DSCAML1: variants seen among roughly 807,000 people sequenced by gnomAD.
The protein encoded by DSCAML1 is DS cell adhesion molecule like 1.
Under a neutral mutation model 200.5 loss-of-function variants are expected in DSCAML1, and 38 were observed. The observed-to-expected ratio is 0.19, with a 90% confidence interval of 0.15 to 0.25. DSCAML1 has a LOEUF of 0.25. DSCAML1 is among the 10% of genes least tolerant of loss of function. The probability of loss-of-function intolerance (pLI) is 1.00; values close to 1 mark genes in which losing one functional copy is unlikely to be tolerated. For missense variants in DSCAML1, 2,223 were observed against 2,858.8 expected, an observed-to-expected ratio of 0.78 and a Z score of 5.07; for synonymous variants, 1,215 against 1,165.0, an observed-to-expected ratio of 1.04 and a Z score of -0.87.
intron 1 of DSCAML1, among the ~76,000 whole-genome samples, chr11:117,781,687 C>T (rs2055266331): frequency 6.6e-6 from 1 of 152,224 alleles, no homozygotes; most frequent in Non-Finnish European, 1.5e-5. Context: ...CTGTGCAATT[C>T]CCTTCCTCAC....
At chr11:117,545,247 A>C (rs2050350785) in intron 3 of DSCAML1, among the ~76,000 whole-genome samples, 1 of 143,500 alleles carries the variant, frequency 7.0e-6, no homozygotes, top group African/African-American at 2.6e-5. Context: ...ACACACACAC[A>C]CACACACACA....
chr11:117,674,808 G>A (rs776840239), intron 3 of DSCAML1, among the ~76,000 whole-genome samples: 1 of 152,016 alleles, frequency 6.6e-6, no homozygotes, highest in East Asian at 1.9e-4. Context: ...CTACCAGCTG[G>A]GTGACTTTGG....
intron 3 of DSCAML1, among the ~76,000 whole-genome samples, chr11:117,582,530 ATAAAT>A (rs1180003801): frequency 6.6e-6 from 1 of 152,254 alleles, no homozygotes; most frequent in African/African-American, 2.4e-5. Flanking sequence ...ATAAATATAA[ATAAAT>A]TAAATGCTTA....
intron 3 of DSCAML1, among the ~76,000 whole-genome samples, chr11:117,569,765 G>A (rs2050815649): frequency 6.6e-6 from 1 of 152,222 alleles, no homozygotes; most frequent in African/African-American, 2.4e-5. Context: ...AGATGCAGTT[G>A]AAATGATGAA....
intron 3 of DSCAML1, among the ~76,000 whole-genome samples, chr11:117,549,543 A>G (rs947276131): frequency 6.6e-6 from 1 of 152,234 alleles, no homozygotes; most frequent in African/African-American, 2.4e-5. Context: ...AAATTGTGCT[A>G]ATAACAGTAC....
rs1349389570 is a variant in DSCAML1, at chr11:117,505,114, C to G, written c.2063-71G>C. 1.9e-6 allele frequency: 3 copies of G among 1,561,822 alleles called. No individual in the cohort carries two copies. Among genetic ancestry groups the G allele is most frequent in the Non-Finnish European group, 2.6e-6 (3 of 1,149,464 alleles). On this transcript the variant is annotated intron_variant, in intron 9 of 32. Transcript: ENST00000651296. This position sits in a 1 kb window ranked among gnomAD's most constrained non-coding sequence, Gnocchi z 6.7. ...ATGGGTCTCCTAGGGCTTCGAGCAC[C>G]TTCTGTTTGAGGTCAGCCCTGCCCG... is the stretch of plus-strand genomic sequence containing the variant.
intron 3 of DSCAML1, among the ~76,000 whole-genome samples, chr11:117,673,138 C>T (rs533915271): frequency 4.6e-5 from 7 of 152,296 alleles, no homozygotes; most frequent in South Asian, 2.1e-4. Context: ...GTCAGCATGA[C>T]GCCCTTGGCC....
intron 3 of DSCAML1, among the ~76,000 whole-genome samples, chr11:117,661,460 G>C (rs887465648): frequency 2.6e-5 from 4 of 152,218 alleles, no homozygotes; most frequent in Admixed American, 6.5e-5. Flanking sequence ...AACTTTTGGT[G>C]ATTGTCTAAT....
At chr11:117,533,809 G>C (rs1452593518) in intron 3 of DSCAML1, among the ~76,000 whole-genome samples, 1 of 152,168 alleles carries the variant, frequency 6.6e-6, no homozygotes, top group African/African-American at 2.4e-5. Context: ...TTGAGGGTTG[G>C]GGGGCGGGGT....
In DSCAML1 at chr11:117,480,773, T is replaced by C. The variant is rs1446613740; in HGVS notation, c.2657-202A>G. ...GGCTTGCTCTCCTGTCTTGCTGCCATCTTGTTCTTGGCCTGGGAGAGGGCT... is the reference window on the plus strand; with the variant it reads ...GGCTTGCTCTCCTGTCTTGCTGCCACCTTGTTCTTGGCCTGGGAGAGGGCT... On this transcript the variant is annotated intron_variant, in intron 13 of 32. Transcript: ENST00000651296. This position sits in a 1 kb window ranked among gnomAD's most constrained non-coding sequence, Gnocchi z 4.1. 1.3e-5 allele frequency among the ~76,000 whole-genome samples: 2 copies of C among 152,110 alleles called. No individual in the cohort carries two copies. The highest frequency in any genetic ancestry group is 2.4e-5 in the African/African-American group (1 of 41,428).
chr11:117,801,201 C>T (rs1412612066), upstream of DSCAML1: 2 of 152,192 alleles, frequency 1.3e-5, no homozygotes, highest in Non-Finnish European at 2.9e-5. Flanking sequence ...ATCCTAGGTT[C>T]TTGTGTCACC....
chr11:117,650,163 G>A (rs567166248), intron 3 of DSCAML1, among the ~76,000 whole-genome samples: 167 of 152,276 alleles, frequency 1.1e-3, no homozygotes, highest in African/African-American at 3.8e-3. Context: ...CCCAGGCCCC[G>A]CCCTGTGCCT....
intron 11 of DSCAML1, among the ~76,000 whole-genome samples, chr11:117,499,606 C>G (rs1033791619): frequency 6.6e-6 from 1 of 152,196 alleles, no homozygotes; most frequent in Non-Finnish European, 1.5e-5. Flanking sequence ...TAATCTCTGA[C>G]GTTCTGAGAG....
chr11:117,657,624 T>C (rs1456166662), intron 3 of DSCAML1, among the ~76,000 whole-genome samples: 1 of 152,192 alleles, frequency 6.6e-6, no homozygotes, highest in African/African-American at 2.4e-5. Flanking sequence ...CATGCTTTCA[T>C]CTACATGGGG....
At chr11:117,444,069 A>C in intron 20 of DSCAML1, 30 bp from the exon 21 acceptor site, 1 of 1,591,412 alleles carries the variant, frequency 6.3e-7, no homozygotes, top group South Asian at 1.1e-5. Flanking sequence ...AGGCTCTAAG[A>C]AGCAGAACTG....
chr11:117,794,271 A>C, intron 1 of DSCAML1, among the ~76,000 whole-genome samples: 1 of 152,202 alleles, frequency 6.6e-6, no homozygotes, highest in African/African-American at 2.4e-5. Context: ...TGCAGGCAAC[A>C]CAGATGCTGG....
At chr11:117,617,540 G>A (rs901915557) in intron 3 of DSCAML1, among the ~76,000 whole-genome samples, 8 of 152,112 alleles carry the variant, frequency 5.3e-5, no homozygotes, top group African/African-American at 1.9e-4. Flanking sequence ...TGAGTTTATA[G>A]AATAGTCTGC....
chr11:117,745,227 C>CG (rs61263248), intron 3 of DSCAML1, among the ~76,000 whole-genome samples: 136,932 of 143,456 alleles, frequency 0.95, 65,650 homozygotes, highest in East Asian at 1. Context: ...CTACCTGGGG[C>CG]GGGGGTGGCT....
chr11:117,745,147 G>T lies in DSCAML1; in HGVS notation c.511+31644C>A, dbSNP rs766941313. On this transcript the variant is annotated intron_variant, in intron 3 of 32. Transcript: ENST00000651296. ...AATCCATGGTGACAGGCCTCAGGAG[G>T]GTGGTCATCTGGGTGGGGGGGATGA... 8.7e-4 allele frequency among the ~76,000 whole-genome samples: 132 copies of T among 151,880 alleles called. 2 individuals are homozygous for T. The highest frequency in any genetic ancestry group is 8.5e-4 in the Non-Finnish European group (58 of 67,980).
Sources: allele counts gnomAD v4.1 joint callset (sites outside exome capture counted in the v4.1 genomes callset), GRCh38; gene constraint gnomAD v4.1.1; non-coding constraint Gnocchi (gnomAD v3.1); transcripts MANE v1.5; gene names NCBI Gene and HGNC (gene_info 2026-07-23, HGNC 2026-07-21).